JHY: variants seen among roughly 807,000 people sequenced by gnomAD.
The protein encoded by JHY is junctional cadherin complex regulator.
Under a neutral mutation model 78.0 loss-of-function variants are expected in JHY, and 69 were observed. That is an observed-to-expected ratio of 0.88 (90% CI 0.73 to 1.08). JHY has a LOEUF of 1.08. Among genes scored for constraint, JHY ranks in the 50% least tolerant of loss-of-function variants. The probability of loss-of-function intolerance (pLI) is 0.00; values close to 1 mark genes in which losing one functional copy is unlikely to be tolerated. For synonymous variants in JHY, 368 were observed against 342.6 expected (o/e 1.07, Z -0.82); for missense variants, 944 against 927.8 (o/e 1.02, Z -0.23).
intron 3 of JHY, among the ~76,000 whole-genome samples, chr11:122,908,682 G>A (rs147639233): frequency 1.0e-3 from 156 of 152,252 alleles, no homozygotes; most frequent in Middle Eastern, 6.8e-3. Context: ...ACCGAGTGTG[G>A]AGGCTCTTGG....
intron 3 of JHY, among the ~76,000 whole-genome samples, chr11:122,915,275 C>T (rs909517945): frequency 6.6e-6 from 1 of 152,106 alleles, no homozygotes; most frequent in Non-Finnish European, 1.5e-5. Flanking sequence ...GCTATGAGCC[C>T]GCGGTCATTT....
At chr11:122,947,118 C>G (rs1352496413) in intron 6 of JHY, 2 of 220,732 alleles carry the variant, frequency 9.1e-6, no homozygotes, top group Non-Finnish European at 1.8e-5. Context: ...AGCTTCCATA[C>G]TCCACCCCAA....
Position 122,956,444 on chromosome 11 carries a change from C to T in JHY, c.1930-52C>T, listed in dbSNP as rs75935183. On this transcript the variant is annotated intron_variant, in intron 6 of 8. Transcript: ENST00000227349. Reference sequence around the variant, plus strand: ...TGACACCTTACAGGGTGTTAGGAGTCGGGGGACACACAAGTCCTTAAAAGA... The same window carrying T: ...TGACACCTTACAGGGTGTTAGGAGTTGGGGGACACACAAGTCCTTAAAAGA... The T allele has an allele frequency of 3.5e-3, 5,402 of 1,531,014 alleles. 163 individuals are homozygous for T. In the African/African-American group the frequency reaches 0.063, roughly 18 times the overall value. The allele number at this position is 1,531,014 out of a possible 1,614,324, so 94.8% of individuals were successfully genotyped here.
At chr11:122,922,283 A>G (rs537717896) in intron 3 of JHY, among the ~76,000 whole-genome samples, 1 of 152,176 alleles carries the variant, frequency 6.6e-6, no homozygotes, top group South Asian at 2.1e-4. Flanking sequence ...CTATCTCTCT[A>G]TATATAAGTA....
chr11:122,903,193 T>C (rs1862900356), intron 2 of JHY, among the ~76,000 whole-genome samples: 1 of 152,226 alleles, frequency 6.6e-6, no homozygotes, highest in Non-Finnish European at 1.5e-5. Flanking sequence ...AGTCAGTGTA[T>C]GAAATGTATT....
intron 5 of JHY, among the ~76,000 whole-genome samples, chr11:122,940,428 T>C (rs953681768): frequency 6.6e-6 from 1 of 152,184 alleles, no homozygotes; most frequent in Non-Finnish European, 1.5e-5. Flanking sequence ...AATTTATTGT[T>C]TTTGGATAGT....
At chr11:122,955,089 G>A (rs1864161873) in intron 6 of JHY, among the ~76,000 whole-genome samples, 1 of 152,184 alleles carries the variant, frequency 6.6e-6, no homozygotes, top group South Asian at 2.1e-4. Flanking sequence ...CCTGTAAGGG[G>A]AAGTAGCGAG....
Position 122,898,866 on chromosome 11 carries a change from G to T in JHY, c.345-5059G>T, listed in dbSNP as rs374255088. Reference sequence around the variant, plus strand: ...TGCTTGCCCTTGAGCTGTGCTCCTCGACCTGCCCTCCTCTCACCCTCCATT... The same window carrying T: ...TGCTTGCCCTTGAGCTGTGCTCCTCTACCTGCCCTCCTCTCACCCTCCATT... On this transcript the variant is annotated intron_variant, in intron 2 of 8. Coordinates refer to ENST00000227349, the MANE Select transcript of JHY (RefSeq NM_024806.4). This position sits in a 1 kb window ranked among gnomAD's most constrained non-coding sequence, Gnocchi z 4.4. Among the ~76,000 whole-genome samples the T allele has an allele frequency of 6.6e-6, 1 of 152,006 alleles. No homozygotes were observed. The highest frequency in any genetic ancestry group is 1.5e-5 in the Non-Finnish European group (1 of 68,010).
chr11:122,916,376 C>T (rs926715096), intron 3 of JHY, among the ~76,000 whole-genome samples: 7 of 151,822 alleles, frequency 4.6e-5, no homozygotes, highest in Admixed American at 3.9e-4. Context: ...AACTATATAC[C>T]GTAATTACTT....
At position 122,917,674 on chromosome 11, in the gene JHY, G is replaced by A. The variant is rs1863260610; in HGVS notation, c.865-7223G>A. On this transcript the variant is annotated intron_variant, in intron 3 of 8. Coordinates refer to ENST00000227349, the MANE Select transcript of JHY (RefSeq NM_024806.4). This position sits in a 1 kb window ranked among gnomAD's most constrained non-coding sequence, Gnocchi z 4.1. ...CATCTGAATTCATTGAAGAATTTTA[G>A]TAGTGGAGCAATTTCAGTGCAATGT... Among the ~76,000 whole-genome samples, 1 of 152,194 alleles carries A rather than the reference G, an allele frequency of 6.6e-6. No individual in the cohort carries two copies. Among genetic ancestry groups the A allele is most frequent in the Non-Finnish European group, 1.5e-5 (1 of 68,038 alleles).
Position 122,917,820 on chromosome 11 carries a change from T to C in JHY, c.865-7077T>C, listed in dbSNP as rs1301800744. Among the ~76,000 whole-genome samples the C allele has an allele frequency of 2.6e-5, 4 of 152,238 alleles. No homozygotes were observed. Among genetic ancestry groups the C allele is most frequent in the Admixed American group, 1.3e-4 (2 of 15,288 alleles). On this transcript the variant is annotated intron_variant, in intron 3 of 8. Coordinates refer to ENST00000227349, the MANE Select transcript of JHY (RefSeq NM_024806.4). The surrounding 1 kb of genome is among the most constrained non-coding windows in gnomAD (Gnocchi z 4.1). Reference sequence around the variant, plus strand: ...GGATAATCAGTCTTTCTGTAAGTTATATGAGATATTCCTAAAAATCTCTTT... The same window carrying C: ...GGATAATCAGTCTTTCTGTAAGTTACATGAGATATTCCTAAAAATCTCTTT...
chr11:122,957,517 AT>A, intron 8 of JHY, 26 bp downstream of exon 8: 1 of 1,473,932 alleles, frequency 6.8e-7, no homozygotes, highest in Admixed American at 2.8e-5. Context: ...CAAGGCATTT[AT>A]TTTTTCAAGC....
chr11:122,959,625 A>G lies in JHY; in HGVS notation c.*180A>G. On this transcript the variant is annotated 3_prime_UTR_variant, in exon 9 of 9. Transcript: ENST00000227349. ...CAATTGGATTATGGTGCCATATTTT[A>G]CTTTCTAGGAAGAAAATTTTTTAAA... 1.7e-6 allele frequency: 1 copy of G among 594,728 alleles called. No homozygotes were observed. Among genetic ancestry groups the G allele is most frequent in the Admixed American group, 3.4e-5 (1 of 29,258 alleles). 36.8% of individuals were successfully genotyped at this position (594,728 alleles called of 1,614,324 possible).
chr11:122,939,437 A>T (rs1317536634), intron 5 of JHY, among the ~76,000 whole-genome samples: 1 of 152,114 alleles, frequency 6.6e-6, no homozygotes, highest in Non-Finnish European at 1.5e-5. Context: ...CTGCTAACTT[A>T]GATTCCACTT....
chr11:122,947,653 AG>A (rs1863993908), intron 6 of JHY: 1 of 152,212 alleles, frequency 6.6e-6, no homozygotes, highest in African/African-American at 2.4e-5. Flanking sequence ...CCTGGTTGAA[AG>A]CAATAAGCCT....
At chr11:122,922,836 A>AC (rs1863405615) in intron 3 of JHY, among the ~76,000 whole-genome samples, 1 of 148,940 alleles carries the variant, frequency 6.7e-6, no homozygotes, top group Non-Finnish European at 1.5e-5. Context: ...AAAAAAAAAA[A>AC]CCAGCAGAGG....
At position 122,921,420 on chromosome 11, in the gene JHY, G is replaced by A. The variant is rs114729535; in HGVS notation, c.865-3477G>A. 9.8e-4 allele frequency among the ~76,000 whole-genome samples: 149 copies of A among 152,222 alleles called. 1 individual carries two copies. Among genetic ancestry groups the A allele is most frequent in the Middle Eastern group, 3.4e-3 (1 of 294 alleles). On this transcript the variant is annotated intron_variant, in intron 3 of 8. Transcript: ENST00000227349. ...CTTCCTTTTTTCCCAGGCTCCAGAC[G>A]ACAGTTTCTCTCAGTCATCCCCACT...
At position 122,959,425 on chromosome 11, in the gene JHY, A is replaced by T; in HGVS notation, c.2317A>T (p.Lys773Ter). 6.2e-7 allele frequency: 1 copy of T among 1,614,154 alleles called. No homozygotes were observed. Among genetic ancestry groups the T allele is most frequent in the Non-Finnish European group, 8.5e-7 (1 of 1,179,994 alleles). The change falls in exon 9 of 9, where the codon AAA becomes TAA. Residue 773 changes from lysine (K) to a stop codon, truncating the protein, a stop_gained. Transcript: ENST00000227349. LOFTEE classifies it high-confidence loss of function. The stretch of plus-strand genomic sequence containing the variant: ...GGAAAAACAGGCTGTGGCTGCTTTC[A>T]AAGTCCTTCACATCGTATAGACAAC... ...EREKQAVAAFKVLHIV is the reference protein window; with the variant it reads ...EREKQAVAAF
At chr11:122,927,843 G>A (rs1211561824) in intron 4 of JHY, among the ~76,000 whole-genome samples, 1 of 150,724 alleles carries the variant, frequency 6.6e-6, no homozygotes, top group African/African-American at 2.4e-5. Flanking sequence ...CGATTCTCCT[G>A]TCTCAGCCTC....
Sources: gnomAD v4.1 joint callset for allele counts (sites outside exome capture counted in the v4.1 genomes callset) on GRCh38, gnomAD v4.1.1 for gene constraint, Gnocchi (gnomAD v3.1) non-coding constraint, MANE v1.5 for transcripts, NCBI Gene and HGNC (gene_info 2026-07-23, HGNC 2026-07-21) for gene names.